STAMBP: variants seen among roughly 807,000 people sequenced by gnomAD.
STAMBP encodes STAM binding protein.
In STAMBP, 31 loss-of-function variants were observed where a neutral mutation model predicts 50.7. The observed-to-expected ratio is 0.61, with a 90% CI of 0.46 to 0.83. The LOEUF is 0.83. Ranked by LOEUF, STAMBP falls within the 40% of genes least tolerant of loss-of-function variation. The probability of loss-of-function intolerance (pLI) is 0.00; values close to 1 mark genes in which losing one functional copy is unlikely to be tolerated. For missense variants in STAMBP, 472 were observed against 518.9 expected, an observed-to-expected ratio of 0.91 and a Z score of 0.88; for synonymous variants, 211 against 192.4, an observed-to-expected ratio of 1.10 and a Z score of -0.80.
chr2:73,845,815 A>G (rs1188307301), intron 4 of STAMBP, among the ~76,000 whole-genome samples: 6 of 152,148 alleles, frequency 3.9e-5, no homozygotes, highest in African/African-American at 1.4e-4. Flanking sequence ...TATTTTTAGT[A>G]GAGATGGGGT....
chr2:73,870,471 GAGA>G (rs1679157722), downstream of STAMBP: 1 of 152,220 alleles, frequency 6.6e-6, no homozygotes, highest in South Asian at 2.1e-4. Context: ...TCTATTCCTA[GAGA>G]AGGATTACTT....
At chr2:73,869,820 T>TCC, downstream of STAMBP, among the ~76,000 whole-genome samples, 1 of 152,218 alleles carries the variant, frequency 6.6e-6, no homozygotes, top group South Asian at 2.1e-4. Flanking sequence ...TCAGCAAACT[T>TCC]TATTGTTGAA....
chr2:73,862,238 G>C lies in STAMBP; in HGVS notation c.1254G>C (p.Val418=). 6.2e-7 allele frequency: 1 copy of C among 1,611,886 alleles called. No individual in the cohort carries two copies. Among genetic ancestry groups the C allele is most frequent in the Non-Finnish European group, 8.5e-7 (1 of 1,179,268 alleles). ...ACGTGACTGTTGTGGACAGAGCAGT[G>C]ACCATCACAGACCTTCGATGAGCGT... ...CSHVTVVDRA[V]TITDLR The change falls in exon 10 of 10, where the codon GTG becomes GTC. Residue 418 remains valine (V), a synonymous_variant. Coordinates refer to ENST00000394070, the MANE Select transcript of STAMBP (RefSeq NM_213622.4).
At chr2:73,842,501 C>A (rs1675525560) in intron 2 of STAMBP, among the ~76,000 whole-genome samples, 1 of 152,164 alleles carries the variant, frequency 6.6e-6, no homozygotes. Flanking sequence ...GCAGGTAAAT[C>A]ATTTACTTAC....
chr2:73,867,932 G>A (rs549129432), downstream of STAMBP, among the ~76,000 whole-genome samples: 235 of 150,312 alleles, frequency 1.6e-3, no homozygotes, highest in South Asian at 4.2e-3. Context: ...CAAGACCAGC[G>A]TGACAAACAT....
chr2:73,860,164 G>A lies in STAMBP; in HGVS notation c.1218+13G>A, dbSNP rs1321375917. The A allele has an allele frequency of 1.2e-6, 2 of 1,607,892 alleles. No individual in the cohort carries two copies. Among genetic ancestry groups the A allele is most frequent in the Admixed American group, 1.7e-5 (1 of 59,586 alleles). ...ACCTCTGTTCTGTGTACGTATCTATGTAAAAGAAAATGGGGCTATGCTTCA... is the reference window on the plus strand; with the variant it reads ...ACCTCTGTTCTGTGTACGTATCTATATAAAAGAAAATGGGGCTATGCTTCA... On this transcript the variant is annotated intron_variant, in intron 9 of 9. Coordinates refer to ENST00000394070, the MANE Select transcript of STAMBP (RefSeq NM_213622.4).
At chr2:73,848,398 GA>G (rs1203420194) in intron 5 of STAMBP, among the ~76,000 whole-genome samples, 1 of 152,080 alleles carries the variant, frequency 6.6e-6, no homozygotes, top group African/African-American at 2.4e-5. Flanking sequence ...TAACTGCCCA[GA>G]TTGTTTTCCA....
chr2:73,869,984 TA>T (rs1232043601), downstream of STAMBP, among the ~76,000 whole-genome samples: 1 of 152,182 alleles, frequency 6.6e-6, no homozygotes, highest in Admixed American at 6.5e-5. Context: ...GAATAAGAAG[TA>T]CCTAAAAATA....
At chr2:73,858,288 G>A (rs184824376) in intron 7 of STAMBP, among the ~76,000 whole-genome samples, 252 of 142,760 alleles carry the variant, frequency 1.8e-3, no homozygotes, top group African/African-American at 6.0e-3. Flanking sequence ...ACAGGTGCCC[G>A]CCACCACGCC....
At chr2:73,833,392 T>C (rs2104174876) in intron 2 of STAMBP, among the ~76,000 whole-genome samples, 1 of 152,228 alleles carries the variant, frequency 6.6e-6, no homozygotes, top group East Asian at 1.9e-4. Context: ...TCAATGTTGT[T>C]AAGGTTTCAT....
At chr2:73,831,612 C>T (rs1673928998) in intron 2 of STAMBP, among the ~76,000 whole-genome samples, 1 of 152,152 alleles carries the variant, frequency 6.6e-6, no homozygotes, top group Non-Finnish European at 1.5e-5. Flanking sequence ...TAGAAGATTT[C>T]AGTACTATTA....
chr2:73,864,080 T>C lies in STAMBP; in HGVS notation c.*1821T>C, dbSNP rs547884672. On this transcript the variant is annotated 3_prime_UTR_variant, in exon 10 of 10. Coordinates refer to ENST00000394070, the MANE Select transcript of STAMBP (RefSeq NM_213622.4). ...TTAAAAAATACTGATGCCTGTGTTC[T>C]ACCCCCCACCAATTAAAGCTGAATC... 2.0e-5 allele frequency: 3 copies of C among 152,332 alleles called. No individual in the cohort carries two copies. The South Asian group carries it at 6.2e-4, about 32-fold the overall frequency. 9.4% of individuals were successfully genotyped at this position (152,332 alleles called of 1,614,324 possible). A position where few individuals can be genotyped will look rare whatever the true frequency, so the allele number is the denominator to read the frequency against.
chr2:73,860,987 A>G (rs1678260103), intron 9 of STAMBP, among the ~76,000 whole-genome samples: 2 of 152,228 alleles, frequency 1.3e-5, no homozygotes, highest in African/African-American at 2.4e-5. Context: ...TCATGGAATG[A>G]TGGTTTTCTG....
At chr2:73,859,620 T>A (rs1330141954) in intron 8 of STAMBP, among the ~76,000 whole-genome samples, 1 of 151,654 alleles carries the variant, frequency 6.6e-6, no homozygotes, top group East Asian at 1.9e-4. Context: ...AGTGTTTGAC[T>A]TGAAGCGATA....
At chr2:73,847,169 A>C (rs990406574) in intron 4 of STAMBP, among the ~76,000 whole-genome samples, 1 of 151,878 alleles carries the variant, frequency 6.6e-6, no homozygotes, top group African/African-American at 2.4e-5. Flanking sequence ...TTGGGATTTT[A>C]ATTGTCCTTG....
rs1426624499 is a variant in STAMBP at position 73,835,184 on chromosome 2, T to C, written c.203+4125T>C. ...GCCTGGCCAACATGGTGATACCCCA[T>C]CTCTACTAAAAATACAAAACTTAGC... On this transcript the variant is annotated intron_variant, in intron 2 of 9. Coordinates refer to ENST00000394070, the MANE Select transcript of STAMBP (RefSeq NM_213622.4). Among the ~76,000 whole-genome samples the C allele has an allele frequency of 2.6e-5, 4 of 151,960 alleles. No individual in the cohort carries two copies. The South Asian group carries it at 6.2e-4, about 24-fold the overall frequency.
At chr2:73,840,811 G>A (rs775352938) in intron 2 of STAMBP, among the ~76,000 whole-genome samples, 9 of 151,384 alleles carry the variant, frequency 5.9e-5, no homozygotes, top group African/African-American at 1.7e-4. Context: ...GGATATACAC[G>A]TTTTAAATTT....
At chr2:73,836,050 T>G (rs890308269) in intron 2 of STAMBP, among the ~76,000 whole-genome samples, 3 of 152,230 alleles carry the variant, frequency 2.0e-5, no homozygotes, top group Non-Finnish European at 4.4e-5. Flanking sequence ...AAAGAAGCAG[T>G]GGTGCGCTGT....
At chr2:73,859,404 G>T (rs1678010496) in intron 8 of STAMBP, 38 bp downstream of exon 8, 2 of 1,532,000 alleles carry the variant, frequency 1.3e-6, no homozygotes, top group African/African-American at 1.4e-5. Context: ...GTTTCAAGGG[G>T]GTAGTAGGGA....
Sources: allele counts gnomAD v4.1 joint callset (sites outside exome capture counted in the v4.1 genomes callset), GRCh38; gene constraint gnomAD v4.1.1; transcripts MANE v1.5; gene names NCBI Gene and HGNC (gene_info 2026-07-23, HGNC 2026-07-21).